The following MON2 variants were observed in gnomAD, a reference collection of about 807,000 sequenced individuals.
MON2 encodes the protein MON2 regulator of endosome-to-Golgi trafficking.
Under a neutral mutation model 208.6 loss-of-function variants are expected in MON2, and 84 were observed. That is an observed-to-expected ratio of 0.40 (90% CI 0.34 to 0.48). The LOEUF (loss-of-function observed/expected upper bound fraction) is 0.48, where lower values mean the gene tolerates loss of function less well. Among genes scored for constraint, MON2 ranks in the 20% least tolerant of loss-of-function variants. The pLI, the probability that MON2 is intolerant of heterozygous loss-of-function variation, is 0.59. For missense variants in MON2, 1,611 were observed against 2,015.4 expected, an observed-to-expected ratio of 0.80 and a Z score of 3.84; for synonymous variants, 660 against 694.0, an observed-to-expected ratio of 0.95 and a Z score of 0.77.
In MON2 at chr12:62,534,751, CAT is replaced by C. The variant is rs562779428; in HGVS notation, c.1634-91_1634-90del. 2,937 of 820,252 alleles carry C rather than the reference CAT, an allele frequency of 3.6e-3. 2 individuals are homozygous for C. The highest frequency in any genetic ancestry group is 7.2e-3 in the Middle Eastern group (26 of 3,620). 50.8% of individuals were successfully genotyped at this position (820,252 alleles called of 1,614,324 possible). On this transcript the variant is annotated intron_variant, in intron 12 of 34. Coordinates refer to ENST00000393630, the MANE Select transcript of MON2 (RefSeq NM_015026.3). ...ATTAAGTTGTTAATGGAATATTTGACATATTGTCTGGGAAAATTTTAGAATTT... is the reference window on the plus strand; with the variant it reads ...ATTAAGTTGTTAATGGAATATTTGACATTGTCTGGGAAAATTTTAGAATTT...
At chr12:62,534,256 C>T (rs2072798696) in intron 12 of MON2, among the ~76,000 whole-genome samples, 1 of 151,026 alleles carries the variant, frequency 6.6e-6, no homozygotes, top group South Asian at 2.1e-4. Flanking sequence ...CGTGGTGGCT[C>T]ACGCCTGTAA....
chr12:62,515,099 A>G (rs773295895), intron 8 of MON2, among the ~76,000 whole-genome samples: 2 of 152,238 alleles, frequency 1.3e-5, no homozygotes, highest in Non-Finnish European at 2.9e-5. Context: ...AAACCTGAAA[A>G]TAGAATTACC....
rs539503268 is a variant in MON2 at position 62,557,371 on chromosome 12, G to A, written c.3409+1179G>A. Among the ~76,000 whole-genome samples the A allele has an allele frequency of 3.9e-5, 6 of 152,308 alleles. 1 individual carries two copies. In the South Asian group the frequency reaches 1.0e-3, roughly 26 times the overall value. On this transcript the variant is annotated intron_variant, in intron 25 of 34. Coordinates refer to ENST00000393630, the MANE Select transcript of MON2 (RefSeq NM_015026.3). ...ATTTTTAGTTGTCATAACTGGGGAA[G>A]GTTGAGCATTACTGCTATCTGGGGA...
chr12:62,539,509 C>T (rs1180436708), intron 19 of MON2, among the ~76,000 whole-genome samples: 3 of 151,608 alleles, frequency 2.0e-5, no homozygotes, highest in African/African-American at 7.3e-5. Flanking sequence ...CCTTGTGATC[C>T]GCCCGCCTCA....
chr12:62,495,689 C>CAAAAAA (rs56155110), intron 4 of MON2, among the ~76,000 whole-genome samples: 1 of 108,518 alleles, frequency 9.2e-6, no homozygotes, highest in African/African-American at 3.3e-5. Context: ...GACTCCGTCT[C>CAAAAAA]AAAAAAAAAA....
chr12:62,495,986 G>T (rs1252164681), intron 4 of MON2, among the ~76,000 whole-genome samples: 2 of 152,126 alleles, frequency 1.3e-5, no homozygotes, highest in East Asian at 3.9e-4. Flanking sequence ...CTAAAGAACA[G>T]AAAGTAGAGA....
intron 8 of MON2, among the ~76,000 whole-genome samples, chr12:62,516,303 A>G (rs1228190914): frequency 1.3e-5 from 2 of 152,052 alleles, no homozygotes; most frequent in Non-Finnish European, 2.9e-5. Context: ...GAGCAGGGGG[A>G]AAGTAGGGAT....
In MON2 at chr12:62,566,362, G is replaced by A; in HGVS notation, c.4235G>A (p.Arg1412Lys). ...TTGAATTATGTGCCGTTTGCTGAAA[G>A]GTCTTTAGAAGTAGTTGTGGATTTA... ...VALNYVPFAE[R>K]SLEVVVDLYQ... The change falls in exon 29 of 35, where the codon AGG becomes AAG. Residue 1412 changes from arginine to lysine, a missense_variant. Physicochemically the swap from Arg to Lys is conservative, Grantham distance 26. Transcript: ENST00000393630. 6.2e-7 allele frequency: 1 copy of A among 1,613,396 alleles called. No individual in the cohort carries two copies. The highest frequency in any genetic ancestry group is 1.7e-5 in the Admixed American group (1 of 59,944).
chr12:62,568,673 T>C (rs2074475071), intron 29 of MON2, among the ~76,000 whole-genome samples: 1 of 152,078 alleles, frequency 6.6e-6, no homozygotes, highest in African/African-American at 2.4e-5. Flanking sequence ...TTTTTTCTTT[T>C]TTTTGAGACA....
intron 30 of MON2, among the ~76,000 whole-genome samples, chr12:62,575,991 A>G (rs1162477310): frequency 1.3e-5 from 2 of 152,216 alleles, no homozygotes; most frequent in Non-Finnish European, 2.9e-5. Flanking sequence ...CTTGTACACT[A>G]ATGTTCATAG....
rs7957417 is a variant in MON2, at chr12:62,532,618, G to A, written c.1581G>A (p.Ser527=). Residue 527 remains serine, a synonymous_variant, in exon 12 of 35, where the codon TCG becomes TCA. Transcript: ENST00000393630. ...TTEEGSSPTQ[S]TEQQDLQSTS... ...AAGAAGGTTCTTCACCAACACAGTC[G>A]ACAGAACAGCAGGATTTACAGTCAA... The A allele has an allele frequency of 0.36, 579,351 of 1,612,988 alleles. 105,094 individuals are homozygous for A. Among genetic ancestry groups the A allele is most frequent in the African/African-American group, 0.4 (29,955 of 74,888 alleles).
intron 23 of MON2, 101 bp from the exon 24 acceptor site, chr12:62,552,780 T>A (rs2073808386): frequency 6.0e-6 from 5 of 834,866 alleles, no homozygotes; most frequent in South Asian, 1.8e-5. Context: ...AGTAATGTTT[T>A]TAAAGTTTTA....
chr12:62,557,963 T>TATATATATATATA (rs1491431148), intron 25 of MON2, among the ~76,000 whole-genome samples: 22 of 19,538 alleles, frequency 1.1e-3, no homozygotes, highest in African/African-American at 3.6e-3. Context: ...TATATATATA[T>TATATATATATATA]TTTTTTTTTT....
rs977145678 is a variant in MON2, at chr12:62,600,011, A to C, written c.*7262A>C. ...TGTTATAAATAACAGCATTGTGGTT[A>C]AGAGCCCAGAGTCTGGGGCCAGGCT... On this transcript the variant is annotated 3_prime_UTR_variant, in exon 35 of 35. Coordinates refer to ENST00000393630, the MANE Select transcript of MON2 (RefSeq NM_015026.3). 3.3e-5 allele frequency: 5 copies of C among 152,222 alleles called. No individual in the cohort carries two copies. Among genetic ancestry groups the C allele is most frequent in the African/African-American group, 1.2e-4 (5 of 41,460 alleles). 9.4% of individuals were successfully genotyped at this position (152,222 alleles called of 1,614,324 possible).
At chr12:62,491,192 G>A (rs10877860) in intron 2 of MON2, among the ~76,000 whole-genome samples, 56,513 of 151,872 alleles carry the variant, frequency 0.37, 10,726 homozygotes, top group African/African-American at 0.42. Flanking sequence ...AACATCTTAT[G>A]GTAAGATGAA....
intron 12 of MON2, among the ~76,000 whole-genome samples, chr12:62,534,365 A>C (rs1271247602): frequency 6.6e-6 from 1 of 150,444 alleles, no homozygotes; most frequent in Non-Finnish European, 1.5e-5. Context: ...CTAAAAATAC[A>C]AAAATTAGCC....
At chr12:62,543,312 G>T (rs1052124334) in intron 20 of MON2, 114 bp downstream of exon 20, 3 of 494,856 alleles carry the variant, frequency 6.1e-6, no homozygotes, top group African/African-American at 6.1e-5. Flanking sequence ...CCCCTTTCCT[G>T]ACTGTGTACT....
intron 26 of MON2, among the ~76,000 whole-genome samples, chr12:62,563,828 T>A (rs896969060): frequency 2.6e-5 from 4 of 152,108 alleles, no homozygotes; most frequent in African/African-American, 9.7e-5. Flanking sequence ...GGTACCCACA[T>A]AGGTTTTTTG....
At chr12:62,496,109 T>C (rs1233434474) in intron 4 of MON2, among the ~76,000 whole-genome samples, 1 of 152,180 alleles carries the variant, frequency 6.6e-6, no homozygotes, top group Non-Finnish European at 1.5e-5. Context: ...CACATTAAGC[T>C]GTGTATACTA....
Sources: allele counts gnomAD v4.1 joint callset (sites outside exome capture counted in the v4.1 genomes callset), GRCh38; gene constraint gnomAD v4.1.1; transcripts MANE v1.5; gene names NCBI Gene and HGNC (gene_info 2026-07-23, HGNC 2026-07-21).